The following WDR97 variants were observed in gnomAD, a reference collection of about 807,000 sequenced individuals.
WDR97 encodes the protein WD repeat domain 97, also known as WD repeat-containing protein 97.
Under a neutral mutation model 65.4 loss-of-function variants are expected in WDR97, and 111 were observed. The observed-to-expected ratio is 1.70, with a 90% CI of 1.45 to 1.99. The LOEUF (loss-of-function observed/expected upper bound fraction) is 1.99, where lower values mean the gene tolerates loss of function less well. Ranked by LOEUF, WDR97 falls within the 30% of genes most tolerant of loss-of-function variation. The probability of loss-of-function intolerance (pLI) is 0.00; values close to 1 mark genes in which losing one functional copy is unlikely to be tolerated. For synonymous variants in WDR97, 802 were observed against 397.7 expected (o/e 2.02, Z -12.10); for missense variants, 1,674 against 865.0 (o/e 1.94, Z -11.73).
In WDR97 at chr8:144,116,678, T is replaced by G; in HGVS notation, c.*385T>G. ...GCCCACAGCCTGGTGTGGAGGGGAG[T>G]CCGGGAGGGCCTGGGCGGTCCCAGG... On this transcript the variant is annotated 3_prime_UTR_variant, in exon 24 of 24. Transcript: ENST00000323662. The G allele has an allele frequency of 5.7e-6, 1 of 176,866 alleles. No individual in the cohort carries two copies. The allele number at this position is 176,866 out of a possible 1,614,324, so 11.0% of individuals were successfully genotyped here. A position where few individuals can be genotyped will look rare whatever the true frequency, so the allele number is the denominator to read the frequency against.
At position 144,110,721 on chromosome 8, in the gene WDR97, C is replaced by T; in HGVS notation, c.2153C>T (p.Ala718Val). ...SLDCTVRIWT[A>V]ENRLLRLLQL... Reference sequence around the variant, plus strand: ...GACTGCACCGTTCGCATCTGGACTGCTGAGAACCGCCTCCTGCGGTAGGCT... The same window carrying T: ...GACTGCACCGTTCGCATCTGGACTGTTGAGAACCGCCTCCTGCGGTAGGCT... Residue 718 changes from alanine to valine, a missense_variant, in exon 8 of 24, where the codon GCT becomes GTT. Transcript: ENST00000323662. 1 of 702,908 alleles carries T rather than the reference C, an allele frequency of 1.4e-6. No homozygotes were observed. The highest frequency in any genetic ancestry group is 1.5e-5 in the South Asian group (1 of 67,610). 43.5% of individuals were successfully genotyped at this position (702,908 alleles called of 1,614,324 possible).
intron 21 of WDR97, 69 bp downstream of exon 21, chr8:144,114,980 G>A: frequency 1.3e-5 from 8 of 627,844 alleles, no homozygotes; most frequent in Non-Finnish European, 2.0e-5. Flanking sequence ...GCAAGTCCTG[G>A]GGTCAAAGCC....
At position 144,107,817 on chromosome 8, in the gene WDR97, G is replaced by T. The variant is rs537191101; in HGVS notation, c.67G>T (p.Asp23Tyr). ...TCTGGACTCGGACCTGTATGATGCG[G>T]ATGGCTATGATGTCCCAGACCCTGG... ...LVLDSDLYDA[D>Y]GYDVPDPGLL... Residue 23 changes from aspartate to tyrosine, a missense_variant, in exon 1 of 24, where the codon GAT (aspartate) becomes TAT (tyrosine). Physicochemically the swap from Asp to Tyr is radical, Grantham distance 160. Coordinates refer to ENST00000323662, the MANE Select transcript of WDR97 (RefSeq NM_001316309.2). 2.8e-6 allele frequency: 2 copies of T among 702,866 alleles called. No individual in the cohort carries two copies. The highest frequency in any genetic ancestry group is 5.2e-6 in the Non-Finnish European group (2 of 385,010). The allele number at this position is 702,866 out of a possible 1,614,324, so 43.5% of individuals were successfully genotyped here. A position where few individuals can be genotyped will look rare whatever the true frequency, so the allele number is the denominator to read the frequency against.
intron 1 of WDR97, 26 bp downstream of exon 1, chr8:144,107,888 G>A (rs572729515): frequency 1.4e-6 from 1 of 702,804 alleles, no homozygotes; most frequent in Non-Finnish European, 2.6e-6. Flanking sequence ...CTCGCCCTCC[G>A]GGCATCCCGC....
rs1428211661 is a variant in WDR97, at chr8:144,110,298, C to T, written c.1843+42C>T. The stretch of plus-strand genomic sequence containing the variant: ...CCAAAGGCCAGGCCGCCACAGAGCC[C>T]CCTCCCCTCCGACAAGGCCCAGCCA... On this transcript the variant is annotated intron_variant, in intron 6 of 23. Transcript: ENST00000323662. 6 of 702,100 alleles carry T rather than the reference C, an allele frequency of 8.5e-6. No homozygotes were observed. The East Asian group carries it at 1.6e-4, about 19-fold the overall frequency. 43.5% of individuals were successfully genotyped at this position (702,100 alleles called of 1,614,324 possible). A position where few individuals can be genotyped will look rare whatever the true frequency, so the allele number is the denominator to read the frequency against.
At position 144,110,729 on chromosome 8, in the gene WDR97, C is replaced by T. The variant is rs1280921594; in HGVS notation, c.2161C>T (p.Arg721Cys). 1 of 702,858 alleles carries T rather than the reference C, an allele frequency of 1.4e-6. No homozygotes were observed. The allele number at this position is 702,858 out of a possible 1,614,324, so 43.5% of individuals were successfully genotyped here. A position where few individuals can be genotyped will look rare whatever the true frequency, so the allele number is the denominator to read the frequency against. Residue 721 changes from arginine (R) to cysteine (C), a missense_variant, in exon 8 of 24, where the codon CGC becomes TGC. Arg to Cys is a radical substitution (Grantham distance 180). Coordinates refer to ENST00000323662, the MANE Select transcript of WDR97 (RefSeq NM_001316309.2). ...CTVRIWTAENRLLRLLQLNGA... is the reference protein window; with the variant it reads ...CTVRIWTAENCLLRLLQLNGA... ...CGTTCGCATCTGGACTGCTGAGAAC[C>T]GCCTCCTGCGGTAGGCTAGGAGGTG... is the stretch of plus-strand genomic sequence containing the variant.
Position 144,110,433 on chromosome 8 carries a change from G to T in WDR97, c.1936G>T (p.Val646Leu). 1 of 703,014 alleles carries T rather than the reference G, an allele frequency of 1.4e-6. No homozygotes were observed. Among genetic ancestry groups the T allele is most frequent in the South Asian group, 1.5e-5 (1 of 67,610 alleles). The allele number at this position is 703,014 out of a possible 1,614,324, so 43.5% of individuals were successfully genotyped here. Reference protein sequence around the residue: ...LRTFSCCYPAVALCALGRRVT... With the variant: ...LRTFSCCYPALALCALGRRVT... ...CACCTTCTCCTGCTGCTACCCGGCC[G>T]TGGCGCTCTGTGCGCTAGGCAGACG... Residue 646 changes from valine (V) to leucine (L), a missense_variant, in exon 7 of 24, where the codon GTG becomes TTG. Val to Leu is a conservative substitution (Grantham distance 32, BLOSUM62 1). Coordinates refer to ENST00000323662, the MANE Select transcript of WDR97 (RefSeq NM_001316309.2).
At chr8:144,113,199 C>T (rs1052080082) in intron 15 of WDR97, 1 of 564,262 alleles carries the variant, frequency 1.8e-6, no homozygotes, top group South Asian at 2.4e-5. Context: ...AGCACTTCTC[C>T]AGGTTTCCCT....
rs1011188834 is a variant in WDR97, at chr8:144,109,920, T to C, written c.1586T>C (p.Leu529Pro). The change falls in exon 5 of 24, where the codon CTG becomes CCG. Residue 529 changes from leucine to proline, a missense_variant. Transcript: ENST00000323662. ...PPAPQPCCLHLYSHLTDLEGA... is the reference protein window; with the variant it reads ...PPAPQPCCLHPYSHLTDLEGA... Reference sequence around the variant, plus strand: ...GCGCCGCAGCCTTGCTGTCTGCACCTGTACAGCCACCTCACGGATCTCGAA... The same window carrying C: ...GCGCCGCAGCCTTGCTGTCTGCACCCGTACAGCCACCTCACGGATCTCGAA... The C allele has an allele frequency of 2.9e-6, 2 of 701,680 alleles. No homozygotes were observed. The highest frequency in any genetic ancestry group is 1.8e-5 in the African/African-American group (1 of 57,088). 43.5% of individuals were successfully genotyped at this position (701,680 alleles called of 1,614,324 possible).
chr8:144,114,920 G>C lies in WDR97; in HGVS notation c.4077+9G>C, dbSNP rs566097787. The C allele has an allele frequency of 1.5e-6, 1 of 684,312 alleles. No homozygotes were observed. Among genetic ancestry groups the C allele is most frequent in the African/African-American group, 1.8e-5 (1 of 56,210 alleles). The allele number at this position is 684,312 out of a possible 1,614,324, so 42.4% of individuals were successfully genotyped here. On this transcript the variant is annotated intron_variant, in intron 21 of 23. Coordinates refer to ENST00000323662, the MANE Select transcript of WDR97 (RefSeq NM_001316309.2). ...TGATCCAGGAGCTTCAGGTTGGGCC[G>C]GCAGGGGCCGGGGGGGCCTTGGGAA...
In WDR97 at chr8:144,113,817, G is replaced by A. The variant is rs2130099501; in HGVS notation, c.3344G>A (p.Trp1115Ter). ...EEEKEDEELD[W>*]ALASLSPHSN... Reference sequence around the variant, plus strand: ...GAGAAGGAAGACGAGGAGCTGGACTGGGCCTTGGCTTCCCTGAGCCCGCAC... The same window carrying A: ...GAGAAGGAAGACGAGGAGCTGGACTAGGCCTTGGCTTCCCTGAGCCCGCAC... The change falls in exon 17 of 24, where the codon TGG becomes TAG. Residue 1115 changes from tryptophan to a stop codon, truncating the protein, a stop_gained. Transcript: ENST00000323662. LOFTEE classifies it high-confidence loss of function. 1 of 702,284 alleles carries A rather than the reference G, an allele frequency of 1.4e-6. No individual in the cohort carries two copies. Among genetic ancestry groups the A allele is most frequent in the South Asian group, 1.5e-5 (1 of 67,516 alleles). 43.5% of individuals were successfully genotyped at this position (702,284 alleles called of 1,614,324 possible). A position where few individuals can be genotyped will look rare whatever the true frequency, so the allele number is the denominator to read the frequency against.
In WDR97 at chr8:144,108,313, CAGG is replaced by C. The variant is rs754552604; in HGVS notation, c.250_252del (p.Glu84del). 18 of 692,932 alleles carry C rather than the reference CAGG, an allele frequency of 2.6e-5. No homozygotes were observed. Among genetic ancestry groups the C allele is most frequent in the South Asian group, 1.8e-4 (12 of 66,466 alleles). The allele number at this position is 692,932 out of a possible 1,614,324, so 42.9% of individuals were successfully genotyped here. A position where few individuals can be genotyped will look rare whatever the true frequency, so the allele number is the denominator to read the frequency against. Reference sequence around the variant, plus strand: ...TTGCGGGCCCGCCCACCCCGGCCCACAGGAGAAGAGAGCCGAGCTGCGCGCGGC... The same window carrying C: ...TTGCGGGCCCGCCCACCCCGGCCCACAGAAGAGAGCCGAGCTGCGCGCGGC... On this transcript the variant is annotated splice_acceptor_variant and coding_sequence_variant, in exon 3 of 24. Transcript: ENST00000323662. LOFTEE classifies it high-confidence loss of function.
chr8:144,112,969 G>T, intron 15 of WDR97: 1 of 292,092 alleles, frequency 3.4e-6, no homozygotes, highest in Non-Finnish European at 6.4e-6. Context: ...AGGTGCCCAG[G>T]CAGGCCTCAG....
In WDR97 at chr8:144,112,063, G is replaced by A; in HGVS notation, c.2814G>A (p.Leu938=). 1.4e-6 allele frequency: 1 copy of A among 702,812 alleles called. No homozygotes were observed. Among genetic ancestry groups the A allele is most frequent in the Non-Finnish European group, 2.6e-6 (1 of 385,028 alleles). The allele number at this position is 702,812 out of a possible 1,614,324, so 43.5% of individuals were successfully genotyped here. A position where few individuals can be genotyped will look rare whatever the true frequency, so the allele number is the denominator to read the frequency against. The change falls in exon 13 of 24, where the codon CTG becomes CTA. Residue 938 remains leucine, a synonymous_variant. Transcript: ENST00000323662. ...TALSPQDLGA[L]GQHFSQSPRV... ...TGTCCCCACAGGACCTGGGAGCCCT[G>A]GGCCAGCACTTCTCCCAGTCTCCCC...
chr8:144,107,959 G>C (rs1391208979), intron 1 of WDR97, 97 bp downstream of exon 1: 1 of 701,142 alleles, frequency 1.4e-6, no homozygotes, highest in African/African-American at 1.7e-5. Context: ...CCCCTGGGCA[G>C]TCCCTGGTAG....
At position 144,112,799 on chromosome 8, in the gene WDR97, A is replaced by G. The variant is rs571244654; in HGVS notation, c.3105+269A>G. The stretch of plus-strand genomic sequence containing the variant: ...GACATCAGGCAAAGCCAGTCCCCCC[A>G]GCCGGTTATGCCACACACCCCTTTC... On this transcript the variant is annotated intron_variant, in intron 15 of 23. Transcript: ENST00000323662. 9.2e-6 allele frequency: 5 copies of G among 544,760 alleles called. No individual in the cohort carries two copies. The South Asian group carries it at 1.3e-4, about 14-fold the overall frequency. 33.7% of individuals were successfully genotyped at this position (544,760 alleles called of 1,614,324 possible). A position where few individuals can be genotyped will look rare whatever the true frequency, so the allele number is the denominator to read the frequency against.
intron 15 of WDR97, chr8:144,112,731 C>T (rs1587626980): frequency 1.7e-6 from 1 of 591,320 alleles, no homozygotes; most frequent in Non-Finnish European, 3.0e-6. Context: ...TGTTCCAGTA[C>T]AGCTGTGTTT....
chr8:144,109,936 G>A lies in WDR97; in HGVS notation c.1602G>A (p.Thr534=), dbSNP rs1389607235. The A allele has an allele frequency of 2.8e-6, 2 of 702,042 alleles. No individual in the cohort carries two copies. The highest frequency in any genetic ancestry group is 2.0e-5 in the Admixed American group (1 of 49,970). The allele number at this position is 702,042 out of a possible 1,614,324, so 43.5% of individuals were successfully genotyped here. A position where few individuals can be genotyped will look rare whatever the true frequency, so the allele number is the denominator to read the frequency against. Residue 534 remains threonine (T), a synonymous_variant, in exon 5 of 24, where the codon ACG becomes ACA. Coordinates refer to ENST00000323662, the MANE Select transcript of WDR97 (RefSeq NM_001316309.2). Reference sequence around the variant, plus strand: ...GTCTGCACCTGTACAGCCACCTCACGGATCTCGAAGGCGCCTTCTCCTCCT... The same window carrying A: ...GTCTGCACCTGTACAGCCACCTCACAGATCTCGAAGGCGCCTTCTCCTCCT... ...PCCLHLYSHL[T]DLEGAFSSWE...
Position 144,110,015 on chromosome 8 carries a change from G to T in WDR97, c.1681G>T (p.Ala561Ser). The change falls in exon 5 of 24, where the codon GCC (alanine) becomes TCC (serine). Residue 561 changes from alanine (A) to serine (S), a missense_variant. Transcript: ENST00000323662. ...GTTGCGCTGCAGCTCTGTGGCCTGC[G>T]CCTGGAAGAACAAGAACCGGTGGGT... Reference protein sequence around the residue: ...GELRCSSVACAWKNKNRYLPV... With the variant: ...GELRCSSVACSWKNKNRYLPV... 1 of 697,212 alleles carries T rather than the reference G, an allele frequency of 1.4e-6. No homozygotes were observed. The highest frequency in any genetic ancestry group is 2.6e-6 in the Non-Finnish European group (1 of 381,130). The allele number at this position is 697,212 out of a possible 1,614,324, so 43.2% of individuals were successfully genotyped here. A position where few individuals can be genotyped will look rare whatever the true frequency, so the allele number is the denominator to read the frequency against.
Sources: gnomAD v4.1 joint callset for allele counts on GRCh38, gnomAD v4.1.1 for gene constraint, MANE v1.5 for transcripts, NCBI Gene and HGNC (gene_info 2026-07-23, HGNC 2026-07-21) for gene names.